The following GNB1 variants were observed in gnomAD, a reference collection of about 807,000 sequenced individuals.
GNB1 encodes guanine nucleotide-binding protein G(I)/G(S)/G(T) subunit beta-1.
GNB1 carries 2 observed loss-of-function variants against 42.9 expected under a neutral mutation model. That is an observed-to-expected ratio of 0.05 (90% CI 0.02 to 0.15). The LOEUF is 0.15. Among genes scored for constraint, GNB1 ranks in the 10% least tolerant of loss-of-function variants. The pLI, the probability that GNB1 is intolerant of heterozygous loss-of-function variation, is 1.00. For synonymous variants in GNB1, 183 were observed against 174.7 expected, an observed-to-expected ratio of 1.05 and a Z score of -0.38; for missense variants, 193 against 462.2, an observed-to-expected ratio of 0.42 and a Z score of 5.34.
At chr1:1,809,449 C>G (rs1289503266) in intron 5 of GNB1, among the ~76,000 whole-genome samples, 2 of 152,174 alleles carry the variant, frequency 1.3e-5, no homozygotes, top group East Asian at 1.9e-4. Context: ...CCGCACCCAG[C>G]CTTCAGTTGC....
Position 1,815,764 on chromosome 1 carries a change from T to C in GNB1, c.195A>G (p.Thr65=). ...CTCATGCCCACGCCTACCTGGAGTC[T>C]GTGCCCCAGTGCATGGCGTAGATCT... ...LAKIYAMHWG[T]DSRLLVSASQ... Residue 65 remains threonine, a synonymous_variant, in exon 5 of 12, where the codon ACA becomes ACG. Transcript: ENST00000378609. 6.4e-7 allele frequency: 1 copy of C among 1,563,484 alleles called. No individual in the cohort carries two copies. The highest frequency in any genetic ancestry group is 8.8e-7 in the Non-Finnish European group (1 of 1,133,572).
At position 1,817,855 on chromosome 1, in the gene GNB1, T is replaced by C. The variant is rs1646877836; in HGVS notation, c.78A>G (p.Ala26=). The change falls in exon 4 of 12, where the codon GCA becomes GCG. Residue 26 remains alanine, a synonymous_variant. Coordinates refer to ENST00000378609, the MANE Select transcript of GNB1 (RefSeq NM_002074.5). ...NQIRDARKAC[A]DATLSQITNN... is the part of the protein sequence containing the mutation. ...CTCTTACCTGAGAGAGAGTTGCATC[T>C]GCACATGCTTTCCTGGCGTCCTGGG... is the stretch of plus-strand genomic sequence containing the variant. 6.2e-7 allele frequency: 1 copy of C among 1,612,502 alleles called. No homozygotes were observed. The highest frequency in any genetic ancestry group is 8.5e-7 in the Non-Finnish European group (1 of 1,178,646).
In GNB1 at chr1:1,798,164, C is replaced by G. The variant is rs371687926; in HGVS notation, c.431-4853G>C. On this transcript the variant is annotated intron_variant, in intron 7 of 11. Coordinates refer to ENST00000378609, the MANE Select transcript of GNB1 (RefSeq NM_002074.5). ...TGTGAAAGTGAGGCTCAGAGGGTTG[C>G]ACAGAGGAGTGCCCGGGCACCATGA... 2.6e-5 allele frequency among the ~76,000 whole-genome samples: 4 copies of G among 152,210 alleles called. No individual in the cohort carries two copies. The East Asian group carries it at 7.7e-4, about 29-fold the overall frequency.
chr1:1,872,359 C>T (rs1222093747), intron 1 of GNB1, among the ~76,000 whole-genome samples: 2 of 152,210 alleles, frequency 1.3e-5, no homozygotes, highest in East Asian at 3.8e-4. Context: ...AGGAAAACAT[C>T]CAAGCTCTCT....
At chr1:1,806,360 C>G (rs1646694909) in intron 6 of GNB1, 115 bp downstream of exon 6, 1 of 639,436 alleles carries the variant, frequency 1.6e-6, no homozygotes. Flanking sequence ...ACAAACAGAG[C>G]TTGCCGCTGC....
At chr1:1,865,002 C>A (rs1173530662) in intron 1 of GNB1, among the ~76,000 whole-genome samples, 1 of 152,210 alleles carries the variant, frequency 6.6e-6, no homozygotes, top group Admixed American at 6.5e-5. Flanking sequence ...GTGGCTCATG[C>A]CTGTAATCCC....
intron 3 of GNB1, among the ~76,000 whole-genome samples, chr1:1,818,710 A>C (rs935263069): frequency 5.3e-5 from 8 of 152,050 alleles, no homozygotes; most frequent in African/African-American, 1.7e-4. Context: ...TAAAAATACA[A>C]AAAATAGCTG....
chr1:1,815,734 T>A (rs756021140), intron 5 of GNB1, 22 bp downstream of exon 5: 5 of 1,277,824 alleles, frequency 3.9e-6, no homozygotes, highest in Middle Eastern at 1.9e-4. Context: ...ACAAGCAGCA[T>A]CCTGCTCATG....
chr1:1,860,808 C>T (rs1185173871), intron 1 of GNB1, among the ~76,000 whole-genome samples: 1 of 152,038 alleles, frequency 6.6e-6, no homozygotes, highest in Non-Finnish European at 1.5e-5. Context: ...TCTGCCCCTC[C>T]ACTTTGCAGT....
chr1:1,793,377 G>T, intron 7 of GNB1, 66 bp from the exon 8 acceptor site: 1 of 1,078,628 alleles, frequency 9.3e-7, no homozygotes. Context: ...CTCATACATA[G>T]AGAAACACAT....
chr1:1,837,809 CA>C (rs1384304261), intron 2 of GNB1, among the ~76,000 whole-genome samples: 1 of 151,828 alleles, frequency 6.6e-6, no homozygotes, highest in Non-Finnish European at 1.5e-5. Flanking sequence ...ATGATCTGCC[CA>C]CCTTGGCCTC....
intron 9 of GNB1, among the ~76,000 whole-genome samples, chr1:1,789,553 G>A (rs929396370): frequency 2.0e-5 from 3 of 152,194 alleles, no homozygotes; most frequent in South Asian, 4.1e-4. Flanking sequence ...TTAGCTGGGC[G>A]TGGCGGCGTG....
intron 1 of GNB1, among the ~76,000 whole-genome samples, chr1:1,872,148 T>C (rs1009263906): frequency 2.7e-4 from 41 of 152,104 alleles, no homozygotes; most frequent in Non-Finnish European, 5.4e-4. Flanking sequence ...ACTACAAGTG[T>C]ATGCTACAAT....
At chr1:1,845,889 T>G (rs1021337800) in intron 1 of GNB1, among the ~76,000 whole-genome samples, 1 of 150,084 alleles carries the variant, frequency 6.7e-6, no homozygotes, top group Admixed American at 6.7e-5. Flanking sequence ...CTCCTATCTC[T>G]TGTCAACTGA....
Position 1,879,162 on chromosome 1 carries a change from G to C in GNB1, c.-96+11658C>G, listed in dbSNP as rs75462929. ...GGCAGGGACAGGGTGCCTGTCTCCA[G>C]CTGAGAACTTCTCTGGTCCCCACAG... On this transcript the variant is annotated intron_variant, in intron 1 of 11. Coordinates refer to ENST00000378609, the MANE Select transcript of GNB1 (RefSeq NM_002074.5). Among the ~76,000 whole-genome samples the C allele has an allele frequency of 5.6e-4, 85 of 152,302 alleles. No homozygotes were observed. In the East Asian group the frequency reaches 0.015, roughly 26 times the overall value.
intron 1 of GNB1, among the ~76,000 whole-genome samples, chr1:1,852,725 T>C (rs1038756816): frequency 7.9e-5 from 12 of 151,430 alleles, no homozygotes; most frequent in East Asian, 5.8e-4. Flanking sequence ...TGCCTTGCTA[T>C]GCACACAGGT....
intron 9 of GNB1, among the ~76,000 whole-genome samples, chr1:1,789,646 G>GATTGCACC (rs1646455251): frequency 7.7e-6 from 1 of 129,806 alleles, no homozygotes; most frequent in Admixed American, 9.8e-5. Context: ...GGTGAGCCAA[G>GATTGCACC]ATTGCACCAT....
chr1:1,843,305 G>A (rs753776598), intron 1 of GNB1, among the ~76,000 whole-genome samples: 1 of 152,050 alleles, frequency 6.6e-6, no homozygotes, highest in Non-Finnish European at 1.5e-5. Context: ...CTGCAGCTTC[G>A]ACTTCCTGGG....
intron 1 of GNB1, among the ~76,000 whole-genome samples, chr1:1,871,678 C>G (rs1231883034): frequency 6.6e-6 from 1 of 152,220 alleles, no homozygotes; most frequent in Non-Finnish European, 1.5e-5. Context: ...CTTAGTTGCC[C>G]TATACCCATT....
Sources: gnomAD v4.1 joint callset for allele counts (sites outside exome capture counted in the v4.1 genomes callset) on GRCh38, gnomAD v4.1.1 for gene constraint, MANE v1.5 for transcripts, NCBI Gene and HGNC (gene_info 2026-07-23, HGNC 2026-07-21) for gene names.